The following CHN1 variants were observed in gnomAD, a reference collection of about 807,000 sequenced individuals.
The protein encoded by CHN1 is chimerin 1.
A neutral mutation model predicts 59.5 loss-of-function variants in CHN1; 37 were observed. The observed-to-expected ratio is 0.62, with a 90% CI of 0.48 to 0.82. The LOEUF is 0.82. Ranked by LOEUF, CHN1 falls within the 40% of genes least tolerant of loss-of-function variation. The probability of loss-of-function intolerance (pLI) is 0.00; values close to 1 mark genes in which losing one functional copy is unlikely to be tolerated. For synonymous variants in CHN1, 206 were observed against 200.4 expected (o/e 1.03, Z -0.24); for missense variants, 469 against 571.0 (o/e 0.82, Z 1.82).
At chr2:174,802,686 A>G (rs1684765143) in intron 11 of CHN1, among the ~76,000 whole-genome samples, 1 of 152,256 alleles carries the variant, frequency 6.6e-6, no homozygotes, top group Non-Finnish European at 1.5e-5. Context: ...GCGATCTCAA[A>G]AAAGAGCACC....
At chr2:174,871,268 T>A (rs905028491) in intron 6 of CHN1, among the ~76,000 whole-genome samples, 5 of 120,632 alleles carry the variant, frequency 4.1e-5, no homozygotes, top group Non-Finnish European at 7.7e-5. Flanking sequence ...AATTGTTTTC[T>A]ACCTCTGATG....
intron 1 of CHN1, among the ~76,000 whole-genome samples, chr2:174,969,277 C>T (rs371691819): frequency 2.1e-4 from 32 of 152,310 alleles, no homozygotes; most frequent in African/African-American, 7.7e-4. Flanking sequence ...CAACTGCCTA[C>T]AAAGACTGCT....
At chr2:174,883,503 G>C (rs1687797352) in intron 5 of CHN1, among the ~76,000 whole-genome samples, 1 of 152,104 alleles carries the variant, frequency 6.6e-6, no homozygotes, top group African/African-American at 2.4e-5. Flanking sequence ...AAAGACTTAA[G>C]AGTAGAGACC....
At chr2:174,860,537 C>G (rs1367908372) in intron 6 of CHN1, among the ~76,000 whole-genome samples, 4 of 152,102 alleles carry the variant, frequency 2.6e-5, no homozygotes, top group Admixed American at 6.5e-5. Flanking sequence ...AAATAGTTTT[C>G]ACTCAGCATA....
In CHN1 at chr2:174,846,287, A is replaced by T. The variant is rs138421960; in HGVS notation, c.627+593T>A. On this transcript the variant is annotated intron_variant, in intron 7 of 12. Coordinates refer to ENST00000409900, the MANE Select transcript of CHN1 (RefSeq NM_001822.7). ...TACAGTTGATAAACCACATTAACAC[A>T]ATAATTAAAAACTACACATACGCAT... 5.2e-6 allele frequency: 8 copies of T among 1,536,290 alleles called. No individual in the cohort carries two copies. In the African/African-American group the frequency reaches 1.1e-4, roughly 21 times the overall value.
intron 7 of CHN1, among the ~76,000 whole-genome samples, chr2:174,836,663 A>C (rs1686091405): frequency 6.6e-6 from 1 of 152,200 alleles, no homozygotes; most frequent in South Asian, 2.1e-4. Context: ...TTCAGTACAC[A>C]GAACAAGTTC....
At chr2:174,879,515 T>C (rs1020754258) in intron 5 of CHN1, among the ~76,000 whole-genome samples, 3 of 152,216 alleles carry the variant, frequency 2.0e-5, no homozygotes, top group African/African-American at 7.2e-5. Context: ...CCTCTAATGT[T>C]AAAGACACAT....
intron 1 of CHN1, among the ~76,000 whole-genome samples, chr2:174,962,482 T>C (rs1690443134): frequency 6.6e-6 from 1 of 152,188 alleles, no homozygotes; most frequent in Non-Finnish European, 1.5e-5. Flanking sequence ...CACCTCTTTT[T>C]GATTCTGTCA....
At chr2:174,975,013 A>T (rs989230839) in intron 1 of CHN1, among the ~76,000 whole-genome samples, 5 of 152,040 alleles carry the variant, frequency 3.3e-5, no homozygotes, top group African/African-American at 9.7e-5. Flanking sequence ...CAAGGAAAAT[A>T]ATGTATGTAT....
At chr2:174,820,922 T>TTTTGC (rs1685469291) in intron 8 of CHN1, among the ~76,000 whole-genome samples, 1 of 151,956 alleles carries the variant, frequency 6.6e-6, no homozygotes, top group African/African-American at 2.4e-5. Flanking sequence ...CCTGACAAGC[T>TTTTGC]CTCTTTTGCC....
chr2:174,929,480 A>G (rs1208194494), intron 3 of CHN1, among the ~76,000 whole-genome samples: 1 of 152,102 alleles, frequency 6.6e-6, no homozygotes, highest in Non-Finnish European at 1.5e-5. Flanking sequence ...CGGGAGGCTG[A>G]GGCATAAGAA....
At chr2:174,849,865 C>T (rs1686670971) in intron 6 of CHN1, among the ~76,000 whole-genome samples, 1 of 152,172 alleles carries the variant, frequency 6.6e-6, no homozygotes, top group Non-Finnish European at 1.5e-5. Flanking sequence ...ATAAACACTA[C>T]ACTATATCCA....
At chr2:174,934,063 C>T (rs878976550) in intron 3 of CHN1, among the ~76,000 whole-genome samples, 3 of 152,160 alleles carry the variant, frequency 2.0e-5, no homozygotes, top group Non-Finnish European at 4.4e-5. Context: ...GACAATTTTA[C>T]AATTTTTCTA....
intron 5 of CHN1, among the ~76,000 whole-genome samples, chr2:174,897,153 A>C (rs1688241560): frequency 6.6e-6 from 1 of 152,120 alleles, no homozygotes; most frequent in African/African-American, 2.4e-5. Context: ...GCTCTTTCTT[A>C]TTCAAAATGG....
At chr2:174,940,923 G>T (rs1389380305) in intron 3 of CHN1, among the ~76,000 whole-genome samples, 1 of 152,064 alleles carries the variant, frequency 6.6e-6, no homozygotes, top group African/African-American at 2.4e-5. Flanking sequence ...GCAAATTAGT[G>T]ATTTTGTAAT....
chr2:175,005,126 C>T lies in CHN1; in HGVS notation c.-214G>A. On this transcript the variant is annotated 5_prime_UTR_variant, in exon 1 of 13. The change creates a premature stop within an existing upstream ORF in the 5' untranslated region. Transcript: ENST00000409900. Reference sequence around the variant, plus strand: ...CGCGTTATTGTCGGGCGCACCGGGCCCAGGGAGCCCCGCTAGCTCTCCGCG... The same window carrying T: ...CGCGTTATTGTCGGGCGCACCGGGCTCAGGGAGCCCCGCTAGCTCTCCGCG... The T allele has an allele frequency of 7.6e-7, 1 of 1,310,004 alleles. No homozygotes were observed. The highest frequency in any genetic ancestry group is 9.7e-7 in the Non-Finnish European group (1 of 1,027,604). The allele number at this position is 1,310,004 out of a possible 1,614,324, so 81.1% of individuals were successfully genotyped here.
intron 3 of CHN1, among the ~76,000 whole-genome samples, chr2:174,931,920 G>C (rs1444583807): frequency 6.6e-6 from 1 of 152,138 alleles, no homozygotes; most frequent in African/African-American, 2.4e-5. Flanking sequence ...AAGCAGAATG[G>C]GGGCAGGGAA....
At chr2:174,955,043 G>A (rs1384868859) in intron 1 of CHN1, among the ~76,000 whole-genome samples, 1 of 151,362 alleles carries the variant, frequency 6.6e-6, no homozygotes, top group African/African-American at 2.4e-5. Context: ...CAGCCCAAAT[G>A]CCCATCAATC....
At chr2:174,802,463 G>A (rs919410575) in intron 11 of CHN1, among the ~76,000 whole-genome samples, 1 of 152,226 alleles carries the variant, frequency 6.6e-6, no homozygotes, top group South Asian at 2.1e-4. Context: ...ATGCACGGCA[G>A]ACTTTGAAGG....
Sources: gnomAD v4.1 joint callset for allele counts (sites outside exome capture counted in the v4.1 genomes callset) on GRCh38, gnomAD v4.1.1 for gene constraint, MANE v1.5 for transcripts, NCBI Gene and HGNC (gene_info 2026-07-23, HGNC 2026-07-21) for gene names.